The following FRMD4B variants were observed in gnomAD, a reference collection of about 807,000 sequenced individuals.
The protein encoded by FRMD4B is FERM domain containing 4B.
FRMD4B carries 74 observed loss-of-function variants against 141.5 expected under a neutral mutation model. That is an observed-to-expected ratio of 0.52 (90% CI 0.43 to 0.63). The LOEUF is 0.63. Ranked by LOEUF, FRMD4B falls within the 30% of genes least tolerant of loss-of-function variation. The pLI, the probability that FRMD4B is intolerant of heterozygous loss-of-function variation, is 0.00. For synonymous variants in FRMD4B, 506 were observed against 467.9 expected (o/e 1.08, Z -1.05); for missense variants, 1,366 against 1,253.4 (o/e 1.09, Z -1.36).
intron 1 of FRMD4B, among the ~76,000 whole-genome samples, chr3:69,503,338 T>C (rs570031890): frequency 0.014 from 2,078 of 152,192 alleles, 23 homozygotes; most frequent in South Asian, 0.063. Context: ...ATATATACCA[T>C]GGAATACTAT....
chr3:69,171,927 G>C lies in FRMD4B; in HGVS notation c.3039C>G (p.Asp1013Glu), dbSNP rs1328185115. 5 of 1,612,578 alleles carry C rather than the reference G, an allele frequency of 3.1e-6. 1 individual carries two copies. The Admixed American group carries it at 8.3e-5, about 27-fold the overall frequency. Residue 1013 changes from aspartate (D) to glutamate (E), a missense_variant, in exon 23 of 23, where the codon GAC becomes GAG. Asp to Glu is a conservative substitution (Grantham distance 45). Transcript: ENST00000398540. The part of the protein sequence containing the change: ...LDGTDGNQLE[D>E]NLESSEQRLF... ...GTCTCTGCTCACTACTCTCCAGGTT[G>C]TCTTCCAGCTGGTTTCCATCTGTAC...
intron 1 of FRMD4B, among the ~76,000 whole-genome samples, chr3:69,489,171 G>C (rs1706266063): frequency 6.6e-6 from 1 of 151,448 alleles, no homozygotes; most frequent in African/African-American, 2.4e-5. Flanking sequence ...AATATATAAA[G>C]AACTCTTATA....
At chr3:69,188,873 C>CA (rs2092802853) in intron 18 of FRMD4B, among the ~76,000 whole-genome samples, 2 of 151,074 alleles carry the variant, frequency 1.3e-5, no homozygotes, top group African/African-American at 4.9e-5. Context: ...TGATTAAGTA[C>CA]AAGAGATGAC....
chr3:69,311,017 C>T (rs1229527456), intron 3 of FRMD4B, among the ~76,000 whole-genome samples: 1 of 152,176 alleles, frequency 6.6e-6, no homozygotes, highest in African/African-American at 2.4e-5. Flanking sequence ...TCGGGAATAA[C>T]AAACTCATTA....
At chr3:69,236,374 AC>A (rs1462835669) in intron 7 of FRMD4B, among the ~76,000 whole-genome samples, 2 of 151,626 alleles carry the variant, frequency 1.3e-5, no homozygotes, top group Non-Finnish European at 2.9e-5. Flanking sequence ...GACTATAGGC[AC>A]CTGCCACGAT....
intron 1 of FRMD4B, among the ~76,000 whole-genome samples, chr3:69,321,603 C>T (rs779039102): frequency 6.6e-6 from 1 of 152,212 alleles, no homozygotes; most frequent in Non-Finnish European, 1.5e-5. Context: ...TCCGCAGGGC[C>T]TAGAACAGTG....
intron 11 of FRMD4B, among the ~76,000 whole-genome samples, chr3:69,206,216 G>A (rs1445724722): frequency 6.6e-6 from 1 of 152,078 alleles, no homozygotes; most frequent in East Asian, 1.9e-4. Context: ...CAGGCGTGGT[G>A]ACATGCACCT....
intron 4 of FRMD4B, among the ~76,000 whole-genome samples, chr3:69,298,850 C>A (rs1701118794): frequency 6.6e-6 from 1 of 152,126 alleles, no homozygotes; most frequent in South Asian, 2.1e-4. Flanking sequence ...TAACCCCTCA[C>A]ATAAGATACT....
chr3:69,325,858 A>G (rs1373120006), intron 1 of FRMD4B, among the ~76,000 whole-genome samples: 1 of 152,198 alleles, frequency 6.6e-6, no homozygotes, highest in Non-Finnish European at 1.5e-5. Context: ...TACTATTATT[A>G]GTGGAAATAA....
intron 2 of FRMD4B, among the ~76,000 whole-genome samples, chr3:69,403,376 T>G (rs550896594): frequency 4.6e-5 from 7 of 152,328 alleles, no homozygotes; most frequent in African/African-American, 1.4e-4. Flanking sequence ...GGGCAGTTAT[T>G]TTCATTAACC....
At chr3:69,191,385 A>T (rs980619160) in intron 17 of FRMD4B, among the ~76,000 whole-genome samples, 1 of 152,174 alleles carries the variant, frequency 6.6e-6, no homozygotes, top group Non-Finnish European at 1.5e-5. Flanking sequence ...ATGCCACTGC[A>T]CTCCAGGCTG....
At chr3:69,523,018 T>C (rs1700875714) in intron 1 of FRMD4B, among the ~76,000 whole-genome samples, 1 of 152,084 alleles carries the variant, frequency 6.6e-6, no homozygotes, top group Admixed American at 6.6e-5. Flanking sequence ...GGAAAAATTT[T>C]CAGGAATCCA....
chr3:69,194,849 A>C (rs1006208114), intron 16 of FRMD4B, among the ~76,000 whole-genome samples, 173 bp downstream of exon 16: 4 of 152,224 alleles, frequency 2.6e-5, no homozygotes, highest in African/African-American at 7.2e-5. Flanking sequence ...GAAGTAACTC[A>C]ATTTTGACTG....
intron 5 of FRMD4B, among the ~76,000 whole-genome samples, chr3:69,283,750 T>C (rs1343553158): frequency 3.3e-5 from 5 of 152,204 alleles, no homozygotes; most frequent in Non-Finnish European, 5.9e-5. Flanking sequence ...TTTGAAAAGC[T>C]GTGTTTGTTA....
chr3:69,536,338 G>A (rs1213311084), intron 1 of FRMD4B: 2 of 664,708 alleles, frequency 3.0e-6, no homozygotes, highest in Non-Finnish European at 5.5e-6. Context: ...GCTGCCAGTG[G>A]CCCCCCTTGC....
intron 1 of FRMD4B, among the ~76,000 whole-genome samples, chr3:69,362,708 C>A (rs557318257): frequency 5.8e-4 from 69 of 119,390 alleles, no homozygotes; most frequent in African/African-American, 2.1e-3. Context: ...CAACCCCCCC[C>A]CCAAAAAAAC....
rs764612126 is a variant in FRMD4B at position 69,181,161 on chromosome 3, G to A, written c.2589C>T (p.Asp863=). The A allele has an allele frequency of 1.9e-6, 3 of 1,613,982 alleles. No individual in the cohort carries two copies. Among genetic ancestry groups the A allele is most frequent in the African/African-American group, 2.7e-5 (2 of 75,032 alleles). The change falls in exon 21 of 23, where the codon GAC becomes GAT. Residue 863 remains aspartate (D), a synonymous_variant. Coordinates refer to ENST00000398540, the MANE Select transcript of FRMD4B (RefSeq NM_015123.3). ...YSRSFHEDEV[D]RVPHNPYATL... is the part of the protein sequence containing the mutation. ...TTGCATATGGGTTATGGGGTACCCG[G>A]TCGACCTCATCTTCGTGAAAGGATC...
intron 1 of FRMD4B, among the ~76,000 whole-genome samples, chr3:69,345,064 G>C (rs9836467): frequency 0.022 from 3,383 of 151,940 alleles, 110 homozygotes; most frequent in African/African-American, 0.076. Context: ...AAGCACAAGG[G>C]GTCAGGGAAT....
intron 10 of FRMD4B, 85 bp from the exon 11 acceptor site, chr3:69,216,434 T>TC (rs2093141997): frequency 3.3e-6 from 2 of 607,140 alleles, no homozygotes; most frequent in East Asian, 6.3e-5. Flanking sequence ...CACCTCTTTT[T>TC]TTTTTTTTTT....
Sources: gnomAD v4.1 joint callset for allele counts (sites outside exome capture counted in the v4.1 genomes callset) on GRCh38, gnomAD v4.1.1 for gene constraint, MANE v1.5 for transcripts, NCBI Gene and HGNC (gene_info 2026-07-23, HGNC 2026-07-21) for gene names.